Variants in SSUH2 observed in about 807,000 individuals in gnomAD.
The protein encoded by SSUH2 is ssu-2 homolog, also known as protein SSUH2 homolog.
Under a neutral mutation model 55.3 loss-of-function variants are expected in SSUH2, and 47 were observed. The ratio of observed to expected loss-of-function variants is 0.85; its 90% CI spans 0.67 to 1.08. The LOEUF (loss-of-function observed/expected upper bound fraction) is 1.08. Among genes scored for constraint, SSUH2 ranks in the 50% least tolerant of loss-of-function variants. SSUH2 has a pLI of 0.00. For missense variants in SSUH2, 535 were observed against 490.7 expected (o/e 1.09, Z -0.85); for synonymous variants, 212 against 191.5 (o/e 1.11, Z -0.89).
intron 1 of SSUH2, among the ~76,000 whole-genome samples, chr3:8,641,567 G>A (rs1306394276): frequency 2.6e-5 from 4 of 152,152 alleles, no homozygotes; most frequent in African/African-American, 9.6e-5. Flanking sequence ...CCCCAAAGTA[G>A]ATGCTGTATC....
intron 3 of SSUH2, among the ~76,000 whole-genome samples, chr3:8,674,197 G>A (rs1293731876): frequency 2.0e-5 from 3 of 152,238 alleles, no homozygotes; most frequent in African/African-American, 7.2e-5. Flanking sequence ...GCAATCAGAG[G>A]GGTCCCCCCA....
chr3:8,660,822 A>C (rs1051911589), intron 6 of SSUH2, among the ~76,000 whole-genome samples: 1 of 152,218 alleles, frequency 6.6e-6, no homozygotes, highest in African/African-American at 2.4e-5. Context: ...AGCTTTTTGG[A>C]TATGAATCCA....
intron 11 of SSUH2, among the ~76,000 whole-genome samples, chr3:8,621,583 C>T (rs747392047): frequency 6.6e-5 from 10 of 152,150 alleles, no homozygotes; most frequent in African/African-American, 1.2e-4. Context: ...CACAGCTTTC[C>T]ATGTGATCTT....
chr3:8,672,872 T>C (rs1275269734), intron 3 of SSUH2, among the ~76,000 whole-genome samples: 1 of 152,066 alleles, frequency 6.6e-6, no homozygotes, highest in African/African-American at 2.4e-5. Context: ...CCTCTGGAGA[T>C]GATATTCGGA....
In SSUH2 at chr3:8,633,705, G is replaced by A. The variant is rs778720971; in HGVS notation, c.300C>T (p.Asp100=). 1 of 1,544,516 alleles carries A rather than the reference G, an allele frequency of 6.5e-7. No individual in the cohort carries two copies. The highest frequency in any genetic ancestry group is 8.7e-7 in the Non-Finnish European group (1 of 1,145,532). The change falls in exon 4 of 12, where the codon GAC becomes GAT. Residue 100 remains aspartate (D), a synonymous_variant. Coordinates refer to ENST00000544814, the MANE Select transcript of SSUH2 (RefSeq NM_001256748.3). ...GCCGCTTCAGCTCCTGGATGACGAG[G>A]TCTCCAGCCACCGTGCTGCTGTAGC... The part of the protein sequence containing the change: ...KCCYSSTVAG[D]LVIQELKRQT...
At chr3:8,630,408 T>C (rs1193802879) in intron 6 of SSUH2, among the ~76,000 whole-genome samples, 3 of 152,276 alleles carry the variant, frequency 2.0e-5, no homozygotes, top group African/African-American at 7.2e-5. Flanking sequence ...GTTTCCTTAC[T>C]GACTCTCATG....
intron 1 of SSUH2, among the ~76,000 whole-genome samples, chr3:8,642,557 C>T (rs1337259769): frequency 1.3e-5 from 2 of 152,230 alleles, no homozygotes; most frequent in Non-Finnish European, 1.5e-5. Flanking sequence ...TGTAGACAGC[C>T]AGCACCTGAA....
intron 1 of SSUH2, 123 bp downstream of exon 1, chr3:8,644,608 C>T (rs779909922): frequency 2.1e-5 from 18 of 877,880 alleles, no homozygotes; most frequent in African/African-American, 3.3e-5. Context: ...AGCTACAGAG[C>T]TTATTAGAAA....
rs80319406 is a variant in SSUH2 at position 8,673,699 on chromosome 3, G to C, written c.-752-1664C>G. 5.3e-4 allele frequency among the ~76,000 whole-genome samples: 80 copies of C among 152,300 alleles called. 1 individual carries two copies. The East Asian group carries it at 0.012, about 23-fold the overall frequency. On this transcript the variant is annotated intron_variant, in intron 3 of 18. Transcript: ENST00000317371. Reference sequence around the variant, plus strand: ...TAAGTGGCTAGAGGAACATGCACCAGACCAGCTGATTATCAAAACCCCCAA... The same window carrying C: ...TAAGTGGCTAGAGGAACATGCACCACACCAGCTGATTATCAAAACCCCCAA...
At chr3:8,629,526 C>A (rs1698315681) in intron 7 of SSUH2, 138 bp downstream of exon 7, 1 of 695,880 alleles carries the variant, frequency 1.4e-6, no homozygotes, top group South Asian at 1.8e-5. Flanking sequence ...AAAATGGAGG[C>A]CCAGAAAGGG....
intron 1 of SSUH2, among the ~76,000 whole-genome samples, chr3:8,681,409 AC>A: frequency 7.4e-6 from 1 of 134,882 alleles, no homozygotes; most frequent in Non-Finnish European, 1.6e-5. Flanking sequence ...ATGGGGAGGC[AC>A]CCCCGGCGAG....
At chr3:8,623,003 C>G (rs1428385616) in intron 11 of SSUH2, among the ~76,000 whole-genome samples, 1 of 152,224 alleles carries the variant, frequency 6.6e-6, no homozygotes, top group Non-Finnish European at 1.5e-5. Flanking sequence ...TCAGGCCAAC[C>G]TCCCACGTTA....
intron 5 of SSUH2, chr3:8,663,831 G>T: frequency 2.2e-6 from 1 of 456,684 alleles, no homozygotes; most frequent in South Asian, 1.5e-5. Context: ...TAAATTTACG[G>T]AAAAATTCTT....
At chr3:8,629,249 C>A in intron 7 of SSUH2, 1 of 176,296 alleles carries the variant, frequency 5.7e-6, no homozygotes. Flanking sequence ...TTTGTCTCTC[C>A]AAGCCTTCCA....
intron 1 of SSUH2, chr3:8,640,021 T>A: frequency 1.0e-6 from 1 of 985,330 alleles, no homozygotes; most frequent in African/African-American, 1.7e-5. Context: ...CCAAAAAGAT[T>A]CAGGTGGTCA....
intron 10 of SSUH2, 91 bp from the exon 11 acceptor site, chr3:8,623,747 C>G: frequency 1.5e-6 from 1 of 645,880 alleles, no homozygotes; most frequent in Non-Finnish European, 2.7e-6. Flanking sequence ...GAGCCAGAGC[C>G]AGACAGAGAA....
intron 1 of SSUH2, chr3:8,640,062 G>T: frequency 1.1e-6 from 1 of 924,432 alleles, no homozygotes; most frequent in Non-Finnish European, 1.3e-6. Context: ...AGTGATGGTT[G>T]ACAGGGGCTG....
Position 8,626,217 on chromosome 3 carries a change from A to G in SSUH2, c.767+12T>C, listed in dbSNP as rs1697491302. Reference sequence around the variant, plus strand: ...CCCCCGCATGCCACAGCATTGAGACACTGCCACATACCACATGATGACAAG... The same window carrying G: ...CCCCCGCATGCCACAGCATTGAGACGCTGCCACATACCACATGATGACAAG... On this transcript the variant is annotated intron_variant, in intron 9 of 11. Transcript: ENST00000544814. The G allele has an allele frequency of 6.2e-7, 1 of 1,611,076 alleles. No individual in the cohort carries two copies. Among genetic ancestry groups the G allele is most frequent in the Non-Finnish European group, 8.5e-7 (1 of 1,177,336 alleles).
At chr3:8,661,912 GTAGTGGA>G in intron 6 of SSUH2, among the ~76,000 whole-genome samples, 1 of 152,260 alleles carries the variant, frequency 6.6e-6, no homozygotes, top group South Asian at 2.1e-4. Flanking sequence ...TTTTCTTGTG[GTAGTGGA>G]TAAGTCTCAT....
Sources: allele counts gnomAD v4.1 joint callset (sites outside exome capture counted in the v4.1 genomes callset), GRCh38; gene constraint gnomAD v4.1.1; transcripts MANE v1.5; gene names NCBI Gene and HGNC (gene_info 2026-07-23, HGNC 2026-07-21).